The following FHIP2B variants were observed in gnomAD, a reference collection of about 807,000 sequenced individuals.
FHIP2B encodes FHF complex subunit HOOK interacting protein 2B, also known as FHF complex subunit HOOK-interacting protein 2B.
Under a neutral mutation model 84.0 loss-of-function variants are expected in FHIP2B, and 72 were observed. The observed-to-expected ratio is 0.86, with a 90% confidence interval of 0.71 to 1.04. The LOEUF is 1.04. Among genes scored for constraint, FHIP2B ranks in the 50% least tolerant of loss-of-function variants. The probability of loss-of-function intolerance (pLI) is 0.00; values close to 1 mark genes in which losing one functional copy is unlikely to be tolerated. For synonymous variants in FHIP2B, 497 were observed against 418.7 expected (o/e 1.19, Z -2.28); for missense variants, 972 against 968.9 (o/e 1.00, Z -0.04).
chr8:22,091,763 T>C (rs1322219927), intron 1 of FHIP2B, among the ~76,000 whole-genome samples: 2 of 152,204 alleles, frequency 1.3e-5, no homozygotes, highest in East Asian at 3.8e-4. Context: ...TAAGCCAATT[T>C]TGAGGCTAAA....
intron 14 of FHIP2B, 107 bp downstream of exon 14, chr8:22,101,958 C>A (rs1826143478): frequency 2.0e-6 from 3 of 1,512,008 alleles, no homozygotes; most frequent in Non-Finnish European, 1.8e-6. Flanking sequence ...TTTGGTGCCA[C>A]CCCTGTCCTT....
intron 2 of FHIP2B, chr8:22,095,455 C>T (rs1034028586): frequency 6.6e-6 from 1 of 151,156 alleles, no homozygotes; most frequent in Non-Finnish European, 1.5e-5. Flanking sequence ...CAGACATTGC[C>T]TCATGTTCCC....
Position 22,102,998 on chromosome 8 carries a change from C to T in FHIP2B, c.*67C>T. The T allele has an allele frequency of 2.6e-6, 4 of 1,543,800 alleles. No individual in the cohort carries two copies. The highest frequency in any genetic ancestry group is 1.9e-5 in the Admixed American group (1 of 52,986). On this transcript the variant is annotated 3_prime_UTR_variant, in exon 17 of 17. Coordinates refer to ENST00000289921, the MANE Select transcript of FHIP2B (RefSeq NM_022749.7). ...CCCCAGAGCTGCCTCCTGCCTGGCA[C>T]TGCCGCCACACTCCCCTCCTGGGAT...
In FHIP2B at chr8:22,094,470, T is replaced by C. The variant is rs1825658880; in HGVS notation, c.76T>C (p.Phe26Leu). ...REPSIDLLQA[F>L]VEHWKGITHY... ...GCCCAGCATTGACCTGCTGCAGGCC[T>C]TCGTGGAGCACTGGAAGGGCATCAC... is the stretch of plus-strand genomic sequence containing the variant. The change falls in exon 2 of 17, where the codon TTC becomes CTC. Residue 26 changes from phenylalanine (F) to leucine (L), a missense_variant. Physicochemically the swap from Phe to Leu is conservative, Grantham distance 22. Coordinates refer to ENST00000289921, the MANE Select transcript of FHIP2B (RefSeq NM_022749.7). 5 of 1,611,484 alleles carry C rather than the reference T, an allele frequency of 3.1e-6. No individual in the cohort carries two copies. The highest frequency in any genetic ancestry group is 4.2e-6 in the Non-Finnish European group (5 of 1,178,938).
rs1826223631 is a variant in FHIP2B, at chr8:22,103,223, C to T, written c.*292C>T. On this transcript the variant is annotated 3_prime_UTR_variant, in exon 17 of 17. Transcript: ENST00000289921. ...ACCCCAGACCCTCATGTGCTGTGTG[C>T]CTGGCCCCTTCTGTACTGGCCATTT... The T allele has an allele frequency of 6.9e-6, 3 of 434,802 alleles. No individual in the cohort carries two copies. The South Asian group carries it at 8.2e-5, about 12-fold the overall frequency. The allele number at this position is 434,802 out of a possible 1,614,324, so 26.9% of individuals were successfully genotyped here. A position where few individuals can be genotyped will look rare whatever the true frequency, so the allele number is the denominator to read the frequency against.
rs768437231 is a variant in FHIP2B at position 22,089,864 on chromosome 8, C to T, written c.45+566C>T. 6 of 1,270,526 alleles carry T rather than the reference C, an allele frequency of 4.7e-6. No individual in the cohort carries two copies. In the Admixed American group the frequency reaches 6.9e-5, roughly 15 times the overall value. The allele number at this position is 1,270,526 out of a possible 1,614,324, so 78.7% of individuals were successfully genotyped here. On this transcript the variant is annotated intron_variant, in intron 1 of 16. Coordinates refer to ENST00000289921, the MANE Select transcript of FHIP2B (RefSeq NM_022749.7). ...CAAGTCCCCACGAAGGGTAAAGACC[C>T]GGGGCAGGCTGGTGGGCCCCCAGCC...
At chr8:22,100,822 T>C (rs1552283) in intron 11 of FHIP2B, 22 bp from the exon 12 acceptor site, 1,611,376 of 1,613,866 alleles carry the variant, frequency 1, 804,487 homozygotes, top group East Asian at 1. Flanking sequence ...ACTGGTGCCG[T>C]ACTGCTCTGC....
In FHIP2B at chr8:22,102,211, T is replaced by C. The variant is rs1826159709; in HGVS notation, c.1888T>C (p.Ser630Pro). The C allele has an allele frequency of 6.2e-7, 1 of 1,613,380 alleles. No individual in the cohort carries two copies. Among genetic ancestry groups the C allele is most frequent in the Admixed American group, 1.7e-5 (1 of 59,984 alleles). The part of the protein sequence containing the change: ...SLNLQVTSVL[S>P]RLALFPHPHI... ...GAACCTGCAGGTGACCTCGGTCCTG[T>C]CCCGGCTTGCCCTCTTCCCCCACCC... Residue 630 changes from serine (S) to proline (P), a missense_variant, in exon 15 of 17, where the codon TCC becomes CCC. Transcript: ENST00000289921.
At position 22,097,762 on chromosome 8, in the gene FHIP2B, AAGG is replaced by A; in HGVS notation, c.455_457del (p.Glu152del). On this transcript the variant is annotated inframe_deletion, in exon 5 of 17. Coordinates refer to ENST00000289921, the MANE Select transcript of FHIP2B (RefSeq NM_022749.7). ...GACTGCTTCCGGATCCGTTACAGAA[AAGG>A]AGGAGGTGCAGTTCACCACCGTCCT... 6.2e-7 allele frequency: 1 copy of A among 1,613,460 alleles called. No homozygotes were observed. The highest frequency in any genetic ancestry group is 8.5e-7 in the Non-Finnish European group (1 of 1,179,802).
chr8:22,098,727 T>G lies in FHIP2B; in HGVS notation c.965+108T>G. ...GTTCCACGTTGCTAGGGACCCCTGC[T>G]GGCCACCCTCTCCCCAAGGCTGCAG... On this transcript the variant is annotated intron_variant, in intron 7 of 16. Transcript: ENST00000289921. 3 of 1,201,224 alleles carry G rather than the reference T, an allele frequency of 2.5e-6. No individual in the cohort carries two copies. The East Asian group carries it at 7.7e-5, about 31-fold the overall frequency. 74.4% of individuals were successfully genotyped at this position (1,201,224 alleles called of 1,614,324 possible).
At chr8:22,091,270 A>G (rs1439859361) in intron 1 of FHIP2B, among the ~76,000 whole-genome samples, 2 of 94,932 alleles carry the variant, frequency 2.1e-5, no homozygotes, top group African/African-American at 8.6e-5. Flanking sequence ...TTTTTTTTTT[A>G]AGATGGAGTC....
rs898115847 is a variant in FHIP2B, at chr8:22,101,862, G to A, written c.1851+11G>A. The A allele has an allele frequency of 3.1e-6, 5 of 1,612,348 alleles. No individual in the cohort carries two copies. The highest frequency in any genetic ancestry group is 1.7e-5 in the Admixed American group (1 of 59,864). On this transcript the variant is annotated intron_variant, in intron 14 of 16. Coordinates refer to ENST00000289921, the MANE Select transcript of FHIP2B (RefSeq NM_022749.7). ...CGGATTCTGGATCAGGTAGCTAGTGGGCCTGGGCCAGGAGAACTCCAGGCT... is the reference window on the plus strand; with the variant it reads ...CGGATTCTGGATCAGGTAGCTAGTGAGCCTGGGCCAGGAGAACTCCAGGCT...
chr8:22,102,813 T>C lies in FHIP2B; in HGVS notation c.2114T>C (p.Leu705Pro). The change falls in exon 17 of 17, where the codon CTC becomes CCC. Residue 705 changes from leucine to proline, a missense_variant. By Grantham distance (98) the Leu-to-Pro change is moderately conservative. Coordinates refer to ENST00000289921, the MANE Select transcript of FHIP2B (RefSeq NM_022749.7). ...CTCAGGCTGGACCACCAGACCCTCCTCCAGGGCGTGGTGGTGCTGGAGGAG... is the reference window on the plus strand; with the variant it reads ...CTCAGGCTGGACCACCAGACCCTCCCCCAGGGCGTGGTGGTGCTGGAGGAG... The part of the protein sequence containing the change: ...PGEQLDHQTL[L>P]QGVVVLEEFC... 3 of 1,613,494 alleles carry C rather than the reference T, an allele frequency of 1.9e-6. No homozygotes were observed. The highest frequency in any genetic ancestry group is 2.5e-6 in the Non-Finnish European group (3 of 1,179,788).
chr8:22,090,841 T>C (rs1825452266), intron 1 of FHIP2B, among the ~76,000 whole-genome samples: 1 of 151,986 alleles, frequency 6.6e-6, no homozygotes, highest in African/African-American at 2.4e-5. Flanking sequence ...CCCAGGCTGG[T>C]CTTGAGCTCC....
chr8:22,096,595 C>G (rs750060226), intron 3 of FHIP2B, 86 bp downstream of exon 3: 2 of 1,407,298 alleles, frequency 1.4e-6, no homozygotes, highest in Non-Finnish European at 1.8e-6. Flanking sequence ...CCTCTGTGCG[C>G]TGGGCCAGGC....
At chr8:22,100,053 A>C in intron 10 of FHIP2B, 160 bp downstream of exon 10, 1 of 667,888 alleles carries the variant, frequency 1.5e-6, no homozygotes, top group Non-Finnish European at 2.3e-6. Flanking sequence ...CTAATTTTCT[A>C]TGATCATATA....
chr8:22,094,689 G>A, intron 2 of FHIP2B, 171 bp downstream of exon 2: 3 of 1,450,006 alleles, frequency 2.1e-6, no homozygotes, highest in Non-Finnish European at 1.8e-6. Flanking sequence ...CAGAGCCCTG[G>A]GCCACTCCAC....
At chr8:22,092,565 C>CTTTT (rs11393768) in intron 1 of FHIP2B, among the ~76,000 whole-genome samples, 17 of 123,992 alleles carry the variant, frequency 1.4e-4, no homozygotes, top group South Asian at 5.2e-4. Context: ...CGGTGAGACT[C>CTTTT]TTTTTTTTTT....
In FHIP2B at chr8:22,101,734, C is replaced by T; in HGVS notation, c.1734C>T (p.Ala578=). Residue 578 remains alanine, a synonymous_variant, in exon 14 of 17, where the codon GCC becomes GCT. Coordinates refer to ENST00000289921, the MANE Select transcript of FHIP2B (RefSeq NM_022749.7). ...TCCAGGAGTGCAGCTCCCGCGTCGC[C>T]TCCTGGGGCTGGCCTCTGACCCCCA... ...GLFQECSSRV[A]SWGWPLTPTP... The T allele has an allele frequency of 6.2e-7, 1 of 1,612,964 alleles. No individual in the cohort carries two copies. Among genetic ancestry groups the T allele is most frequent in the East Asian group, 2.2e-5 (1 of 44,862 alleles).
Sources: allele counts gnomAD v4.1 joint callset (sites outside exome capture counted in the v4.1 genomes callset), GRCh38; gene constraint gnomAD v4.1.1; transcripts MANE v1.5; gene names NCBI Gene and HGNC (gene_info 2026-07-23, HGNC 2026-07-21).